The following TUBGCP3 variants were observed in gnomAD, a reference collection of about 807,000 sequenced individuals.
The protein encoded by TUBGCP3 is tubulin gamma complex component 3.
In TUBGCP3, 50 loss-of-function variants were observed where a neutral mutation model predicts 123.1. The observed-to-expected ratio is 0.41, with a 90% CI of 0.32 to 0.51. The LOEUF (loss-of-function observed/expected upper bound fraction) is 0.51. Among genes scored for constraint, TUBGCP3 ranks in the 20% least tolerant of loss-of-function variants. TUBGCP3 has a pLI of 0.36. For missense variants in TUBGCP3, 882 were observed against 1,127.0 expected, an observed-to-expected ratio of 0.78 and a Z score of 3.11; for synonymous variants, 405 against 413.9, an observed-to-expected ratio of 0.98 and a Z score of 0.26.
Position 112,541,092 on chromosome 13 carries a change from G to A in TUBGCP3, c.1335+4607C>T, listed in dbSNP as rs148662719. Among the ~76,000 whole-genome samples the A allele has an allele frequency of 5.8e-3, 875 of 152,172 alleles. 7 individuals carry two copies. Among genetic ancestry groups the A allele is most frequent in the African/African-American group, 0.02 (832 of 41,532 alleles). Reference sequence around the variant, plus strand: ...AAAGAAAAAAGTACAGAAGAAAATCGATTTATCAGTTTTTGCCCAATTCCC... The same window carrying A: ...AAAGAAAAAAGTACAGAAGAAAATCAATTTATCAGTTTTTGCCCAATTCCC... On this transcript the variant is annotated intron_variant, in intron 11 of 21. Transcript: ENST00000261965.
At chr13:112,601,414 G>A in the TUBGCP3 span, among the ~76,000 whole-genome samples, 7 of 151,938 alleles carry the variant, frequency 4.6e-5, no homozygotes, top group South Asian at 2.1e-4. Context: ...TCATTCTGTC[G>A]CCCGGGCTTG....
At chr13:112,548,222 C>T in intron 8 of TUBGCP3, 46 bp from the exon 9 acceptor site, 1 of 1,462,064 alleles carries the variant, frequency 6.8e-7, no homozygotes, top group South Asian at 1.3e-5. Flanking sequence ...ACTCATTACA[C>T]ATTGACTGAT....
intron 9 of TUBGCP3, 28 bp downstream of exon 9, chr13:112,548,080 G>GAAATAA (rs755334834): frequency 1.3e-6 from 2 of 1,499,630 alleles, no homozygotes; most frequent in African/African-American, 2.8e-5. Context: ...AAATCATAAA[G>GAAATAA]AAATAAAAAT....
chr13:112,500,929 A>G (rs1044098207), intron 19 of TUBGCP3, among the ~76,000 whole-genome samples: 1 of 152,232 alleles, frequency 6.6e-6, no homozygotes, highest in Non-Finnish European at 1.5e-5. Flanking sequence ...GTCTGATCTC[A>G]AGTGAGACAA....
rs942579481 is a variant in TUBGCP3, at chr13:112,508,524, T to G, written c.2087-3810A>C. ...TCTTCCTCCTAGCCACGGCACCCTGTGAGACTGCAGTTCCCACGCACTGAT... is the reference window on the plus strand; with the variant it reads ...TCTTCCTCCTAGCCACGGCACCCTGGGAGACTGCAGTTCCCACGCACTGAT... On this transcript the variant is annotated intron_variant, in intron 17 of 21. Coordinates refer to ENST00000261965, the MANE Select transcript of TUBGCP3 (RefSeq NM_006322.6). This position sits in a 1 kb window ranked among gnomAD's most constrained non-coding sequence, Gnocchi z 4.2. 2.0e-5 allele frequency among the ~76,000 whole-genome samples: 3 copies of G among 152,238 alleles called. No homozygotes were observed. The highest frequency in any genetic ancestry group is 7.2e-5 in the African/African-American group (3 of 41,562).
chr13:112,581,534 C>T (rs1314597084), intron 1 of TUBGCP3, among the ~76,000 whole-genome samples: 1 of 138,514 alleles, frequency 7.2e-6, no homozygotes, highest in Non-Finnish European at 1.5e-5. Context: ...CAACCTCTGC[C>T]TCCTGGGCTC....
At chr13:112,591,283 A>G (rs913315686), upstream of TUBGCP3, among the ~76,000 whole-genome samples, 3 of 152,208 alleles carry the variant, frequency 2.0e-5, no homozygotes, top group Non-Finnish European at 2.9e-5. Context: ...TGGTGATCTA[A>G]AACTAAAACT....
chr13:112,499,589 ATTT>A (rs551166210), intron 19 of TUBGCP3, among the ~76,000 whole-genome samples: 1 of 148,210 alleles, frequency 6.7e-6, no homozygotes, highest in East Asian at 1.9e-4. Flanking sequence ...AAGCATCTCC[ATTT>A]TTTTTTTTAG....
chr13:112,570,880 C>T (rs1271083026), intron 1 of TUBGCP3, among the ~76,000 whole-genome samples: 3 of 152,216 alleles, frequency 2.0e-5, no homozygotes, highest in Admixed American at 1.3e-4. Context: ...ACAATGTTCA[C>T]AGCACTTCAG....
intron 17 of TUBGCP3, among the ~76,000 whole-genome samples, chr13:112,514,220 T>C (rs938723842): frequency 3.5e-5 from 5 of 142,968 alleles, no homozygotes; most frequent in Admixed American, 1.5e-4. Context: ...AACTTTATCA[T>C]AGGTAGGTAC....
chr13:112,509,833 T>A (rs1199939481), intron 17 of TUBGCP3, among the ~76,000 whole-genome samples: 1 of 152,206 alleles, frequency 6.6e-6, no homozygotes, highest in African/African-American at 2.4e-5. Context: ...CTAACTACTC[T>A]AAGGCTGTAA....
Position 112,547,687 on chromosome 13 carries a change from G to A in TUBGCP3, c.1101C>T (p.Leu367=). The A allele has an allele frequency of 1.9e-6, 3 of 1,584,702 alleles. No homozygotes were observed. Among genetic ancestry groups the A allele is most frequent in the Non-Finnish European group, 2.6e-6 (3 of 1,163,022 alleles). The stretch of plus-strand genomic sequence containing the variant: ...TTTTGGGATCATAGGTCCAAACCAG[G>A]AGGCGCCGAAGTGTTAAACTACTCT... The part of the protein sequence containing the change: ...GLESSLTLRR[L]LVWTYDPKIR... Residue 367 remains leucine, a synonymous_variant, in exon 10 of 22, where the codon CTC becomes CTT. Coordinates refer to ENST00000261965, the MANE Select transcript of TUBGCP3 (RefSeq NM_006322.6).
intron 17 of TUBGCP3, 120 bp from the exon 18 acceptor site, chr13:112,504,834 A>G: frequency 2.5e-6 from 2 of 795,160 alleles, no homozygotes; most frequent in Non-Finnish European, 4.1e-6. Flanking sequence ...TAAATTCTTG[A>G]CCCCTTAACA....
At chr13:112,547,816 C>A (rs1879193579) in intron 9 of TUBGCP3, 64 bp from the exon 10 acceptor site, 1 of 1,368,742 alleles carries the variant, frequency 7.3e-7, no homozygotes, top group Non-Finnish European at 9.5e-7. Flanking sequence ...ACTTCTTAAT[C>A]TATATCAAGT....
intron 8 of TUBGCP3, among the ~76,000 whole-genome samples, chr13:112,549,035 C>T (rs1879310323): frequency 6.6e-6 from 1 of 152,124 alleles, no homozygotes; most frequent in African/African-American, 2.4e-5. Flanking sequence ...CACATGCACA[C>T]GTATGTTTAC....
At chr13:112,562,267 C>T (rs573371130) in intron 3 of TUBGCP3, among the ~76,000 whole-genome samples, 1 of 151,422 alleles carries the variant, frequency 6.6e-6, no homozygotes, top group South Asian at 2.1e-4. Context: ...CCAGGACCTA[C>T]TAGGGAACAC....
intron 1 of TUBGCP3, among the ~76,000 whole-genome samples, chr13:112,579,431 G>A (rs1210702739): frequency 1.5e-4 from 22 of 150,974 alleles, no homozygotes; most frequent in Non-Finnish European, 2.5e-4. Context: ...GCGGGGCCAC[G>A]GCATCCCTGC....
At chr13:112,580,101 C>A (rs1882175402) in intron 1 of TUBGCP3, among the ~76,000 whole-genome samples, 1 of 152,172 alleles carries the variant, frequency 6.6e-6, no homozygotes, top group African/African-American at 2.4e-5. Context: ...TGTATGACTG[C>A]ATTTACGTGA....
At chr13:112,533,868 G>A (rs1877804596) in intron 11 of TUBGCP3, among the ~76,000 whole-genome samples, 1 of 149,196 alleles carries the variant, frequency 6.7e-6, no homozygotes, top group South Asian at 2.1e-4. Flanking sequence ...GGTTGCACGA[G>A]TAAGTTCTTT....
Sources: allele counts gnomAD v4.1 joint callset (sites outside exome capture counted in the v4.1 genomes callset), GRCh38; gene constraint gnomAD v4.1.1; non-coding constraint Gnocchi (gnomAD v3.1); transcripts MANE v1.5; gene names NCBI Gene and HGNC (gene_info 2026-07-23, HGNC 2026-07-21).